The following SLC26A7 variants were observed in gnomAD, a reference collection of about 807,000 sequenced individuals.
SLC26A7 encodes solute carrier family 26 member 7, also known as anion exchange transporter.
Under a neutral mutation model 82.5 loss-of-function variants are expected in SLC26A7, and 59 were observed. The ratio of observed to expected loss-of-function variants is 0.72; its 90% confidence interval spans 0.58 to 0.89. SLC26A7 has a LOEUF of 0.89. SLC26A7 is among the 40% of genes least tolerant of loss of function. SLC26A7 has a pLI of 0.00. For synonymous variants in SLC26A7, 271 were observed against 274.3 expected (o/e 0.99, Z 0.12); for missense variants, 820 against 793.0 (o/e 1.03, Z -0.41).
chr8:91,363,435 A>G, intron 12 of SLC26A7, 37 bp from the exon 13 acceptor site: 1 of 1,294,922 alleles, frequency 7.7e-7, no homozygotes, highest in Non-Finnish European at 1.1e-6. Flanking sequence ...ATGATTAGGA[A>G]ATGACTTGTT....
upstream of SLC26A7, among the ~76,000 whole-genome samples, chr8:91,245,552 A>G (rs1810533689): frequency 6.6e-6 from 1 of 152,086 alleles, no homozygotes; most frequent in African/African-American, 2.4e-5. Flanking sequence ...CTTCTTAGAA[A>G]TGCTGTAGAT....
chr8:91,222,981 G>C (rs890524153), intron 2 of SLC26A7, among the ~76,000 whole-genome samples: 2 of 151,998 alleles, frequency 1.3e-5, no homozygotes, highest in African/African-American at 4.8e-5. Context: ...TTTTTTGCCA[G>C]TAGACTATTA....
At chr8:91,338,463 G>T (rs1813307054) in intron 7 of SLC26A7, among the ~76,000 whole-genome samples, 1 of 152,084 alleles carries the variant, frequency 6.6e-6, no homozygotes. Context: ...CAGGTAAAAG[G>T]TTTGGGAAAT....
intron 2 of SLC26A7, among the ~76,000 whole-genome samples, chr8:91,254,869 A>G (rs997926770): frequency 4.6e-5 from 7 of 152,170 alleles, no homozygotes; most frequent in Non-Finnish European, 1.0e-4. Flanking sequence ...TTTAACTGAC[A>G]TCTTGAAGAC....
intron 8 of SLC26A7, among the ~76,000 whole-genome samples, chr8:91,342,867 A>T (rs1195040813): frequency 6.6e-6 from 1 of 152,198 alleles, no homozygotes; most frequent in Non-Finnish European, 1.5e-5. Flanking sequence ...GAACCACAAA[A>T]GGCATTAAAA....
At chr8:91,317,955 T>TAAA (rs1289411493) in intron 4 of SLC26A7, among the ~76,000 whole-genome samples, 2,098 of 143,838 alleles carry the variant, frequency 0.015, 46 homozygotes, top group African/African-American at 0.051. Flanking sequence ...TATATATATA[T>TAAA]ATAAAATAAA....
intron 2 of SLC26A7, among the ~76,000 whole-genome samples, chr8:91,225,430 G>A (rs1810220020): frequency 6.6e-6 from 1 of 151,944 alleles, no homozygotes; most frequent in Admixed American, 6.6e-5. Context: ...CCTTCCCTGT[G>A]TGGCTATCAG....
At chr8:91,309,430 A>G (rs1812414507) in intron 4 of SLC26A7, among the ~76,000 whole-genome samples, 1 of 151,740 alleles carries the variant, frequency 6.6e-6, no homozygotes, top group Non-Finnish European at 1.5e-5. Context: ...CCCCTCCAGC[A>G]GTGAGAACCT....
At chr8:91,389,285 C>T in intron 15 of SLC26A7, 53 bp from the exon 16 acceptor site, 2 of 1,311,502 alleles carry the variant, frequency 1.5e-6, no homozygotes, top group Non-Finnish European at 2.2e-6. Flanking sequence ...ACAAAGCCAG[C>T]AGCAGAAGTC....
chr8:91,219,549 C>T (rs1810124987), intron 2 of SLC26A7, among the ~76,000 whole-genome samples: 3 of 152,108 alleles, frequency 2.0e-5, no homozygotes, highest in East Asian at 3.9e-4. Context: ...ACTTTTTACA[C>T]GACAAACTGC....
chr8:91,232,582 T>TA lies in SLC26A7; in HGVS notation c.-34+13584dup, dbSNP rs370524336. ...TGTCTTGCTGAATTTCAGAGGCATC[T>TA]AAAAAAATCACATTGGTTTGATTTG... On this transcript the variant is annotated intron_variant, in intron 2 of 5. Coordinates refer to the SLC26A7 transcript ENST00000522862. Among the ~76,000 whole-genome samples, 465 of 152,336 alleles carry TA rather than the reference T, an allele frequency of 3.1e-3. 2 individuals are homozygous for TA. The highest frequency in any genetic ancestry group is 0.011 in the African/African-American group (447 of 41,580).
At chr8:91,345,725 G>A in intron 9 of SLC26A7, among the ~76,000 whole-genome samples, 1 of 152,246 alleles carries the variant, frequency 6.6e-6, no homozygotes, top group Non-Finnish European at 1.5e-5. Context: ...GGGCAGAAAA[G>A]GTTGAAATAG....
chr8:91,306,889 A>C (rs1227638314), intron 4 of SLC26A7, among the ~76,000 whole-genome samples: 1 of 151,858 alleles, frequency 6.6e-6, no homozygotes, highest in Non-Finnish European at 1.5e-5. Context: ...AAATTTTTGC[A>C]ACCTACTCAT....
At chr8:91,322,237 A>C (rs892914180) in intron 5 of SLC26A7, among the ~76,000 whole-genome samples, 3 of 152,214 alleles carry the variant, frequency 2.0e-5, no homozygotes, top group African/African-American at 7.2e-5. Context: ...ATTAAAATTA[A>C]AAAAGCTATG....
intron 15 of SLC26A7, among the ~76,000 whole-genome samples, chr8:91,375,949 T>C (rs941081530): frequency 6.6e-6 from 1 of 152,108 alleles, no homozygotes; most frequent in Non-Finnish European, 1.5e-5. Flanking sequence ...TATCTTTTTC[T>C]TTATTTTTCT....
intron 5 of SLC26A7, among the ~76,000 whole-genome samples, chr8:91,320,163 A>G (rs1812751526): frequency 6.6e-6 from 1 of 152,042 alleles, no homozygotes; most frequent in East Asian, 1.9e-4. Flanking sequence ...CCTGGGTTCA[A>G]GCAATTCTCC....
intron 5 of SLC26A7, among the ~76,000 whole-genome samples, chr8:91,327,180 G>A (rs1340128449): frequency 6.6e-6 from 1 of 152,128 alleles, no homozygotes; most frequent in African/African-American, 2.4e-5. Context: ...TGTATGGTGA[G>A]GAGGTTTTAT....
chr8:91,318,289 C>A lies in SLC26A7; in HGVS notation c.551C>A (p.Thr184Asn). 1 of 1,612,470 alleles carries A rather than the reference C, an allele frequency of 6.2e-7. No individual in the cohort carries two copies. The highest frequency in any genetic ancestry group is 1.3e-5 in the African/African-American group (1 of 74,964). ...GAGCCTGTGATCAGCGCAATGACAA[C>A]TGGGGCTGCCACCCATGTGGTGACT... ...VTEPVISAMT[T>N]GAATHVVTSQ... Residue 184 changes from threonine (T) to asparagine (N), a missense_variant, in exon 5 of 19, where the codon ACT becomes AAT. Transcript: ENST00000276609.
At chr8:91,394,179 T>C (rs765822056) in intron 18 of SLC26A7, 140 bp downstream of exon 18, 10 of 1,610,874 alleles carry the variant, frequency 6.2e-6, no homozygotes, top group Non-Finnish European at 7.6e-6. Flanking sequence ...CCTCAGACTT[T>C]CTATTACAGG....
Sources: allele counts gnomAD v4.1 joint callset (sites outside exome capture counted in the v4.1 genomes callset), GRCh38; gene constraint gnomAD v4.1.1; transcripts MANE v1.5; gene names NCBI Gene and HGNC (gene_info 2026-07-23, HGNC 2026-07-21).